Variants in ALK observed in about 807,000 individuals in gnomAD.
ALK encodes ALK tyrosine kinase receptor.
ALK carries 74 observed loss-of-function variants against 163.1 expected under a neutral mutation model. The observed-to-expected ratio is 0.45, with a 90% CI of 0.38 to 0.55. The LOEUF (loss-of-function observed/expected upper bound fraction) is 0.55, where lower values mean the gene tolerates loss of function less well. ALK is among the 20% of genes least tolerant of loss of function. ALK has a pLI of 0.00. For synonymous variants in ALK, 960 were observed against 843.2 expected (o/e 1.14, Z -2.40); for missense variants, 2,063 against 2,105.3 (o/e 0.98, Z 0.39).
intron 1 of ALK, among the ~76,000 whole-genome samples, chr2:29,752,246 T>C (rs1027862954): frequency 6.6e-6 from 1 of 152,186 alleles, no homozygotes; most frequent in Non-Finnish European, 1.5e-5. Context: ...ACTATAAACT[T>C]GTGTAAGTGT....
intron 8 of ALK, among the ~76,000 whole-genome samples, chr2:29,314,245 T>C (rs1666768623): frequency 6.6e-6 from 1 of 152,150 alleles, no homozygotes; most frequent in Non-Finnish European, 1.5e-5. Flanking sequence ...CCAGGGGCCA[T>C]GGCGTCTTCT....
At chr2:29,672,258 G>A (rs561818484) in intron 3 of ALK, among the ~76,000 whole-genome samples, 45 of 151,240 alleles carry the variant, frequency 3.0e-4, no homozygotes, top group African/African-American at 1.0e-3. Flanking sequence ...CATGTGCCAC[G>A]CTGGTGCACT....
At chr2:29,749,692 A>T (rs1434744168) in intron 1 of ALK, among the ~76,000 whole-genome samples, 1 of 152,166 alleles carries the variant, frequency 6.6e-6, no homozygotes, top group East Asian at 1.9e-4. Context: ...AGCCCACAGC[A>T]TCTCCAACCC....
chr2:29,902,847 T>A (rs1667452144), intron 1 of ALK, among the ~76,000 whole-genome samples: 1 of 152,228 alleles, frequency 6.6e-6, no homozygotes, highest in African/African-American at 2.4e-5. Context: ...CCGAAGACAT[T>A]TAGCTCTTAA....
At chr2:29,814,131 G>A (rs1458344422) in intron 1 of ALK, among the ~76,000 whole-genome samples, 1 of 152,102 alleles carries the variant, frequency 6.6e-6, no homozygotes, top group Admixed American at 6.5e-5. Flanking sequence ...CTAATACTTT[G>A]AGCACTCTGC....
At chr2:29,780,328 G>A (rs1242824221) in intron 1 of ALK, among the ~76,000 whole-genome samples, 1 of 152,148 alleles carries the variant, frequency 6.6e-6, no homozygotes, top group Non-Finnish European at 1.5e-5. Context: ...GCCCATTTCC[G>A]GAAAGTGTGA....
At chr2:29,450,326 C>T (rs1170837277) in intron 4 of ALK, among the ~76,000 whole-genome samples, 2 of 152,112 alleles carry the variant, frequency 1.3e-5, no homozygotes, top group African/African-American at 2.4e-5. Flanking sequence ...GTAATGATGC[C>T]AATTCAGAGG....
intron 4 of ALK, among the ~76,000 whole-genome samples, chr2:29,514,501 T>G (rs1169820483): frequency 6.6e-6 from 1 of 152,210 alleles, no homozygotes; most frequent in Non-Finnish European, 1.5e-5. Flanking sequence ...AGACTACTCC[T>G]GCATGCCAAC....
At chr2:29,221,911 C>A (rs1573122537) in intron 22 of ALK, among the ~76,000 whole-genome samples, 1 of 152,350 alleles carries the variant, frequency 6.6e-6, no homozygotes, top group East Asian at 1.9e-4. Context: ...AAAGGTGCAG[C>A]CAGCTGAGAC....
intron 3 of ALK, among the ~76,000 whole-genome samples, chr2:29,541,602 A>C (rs1296095393): frequency 1.3e-5 from 2 of 152,210 alleles, no homozygotes; most frequent in Non-Finnish European, 2.9e-5. Flanking sequence ...AACATGTGAA[A>C]CTTGTTAAGG....
intron 9 of ALK, among the ~76,000 whole-genome samples, chr2:29,276,508 A>G (rs1463564638): frequency 6.6e-6 from 1 of 152,184 alleles, no homozygotes; most frequent in East Asian, 1.9e-4. Flanking sequence ...ACCCTCCAGA[A>G]CGTCAATCCA....
intron 5 of ALK, among the ~76,000 whole-genome samples, chr2:29,369,621 G>A (rs919320981): frequency 2.0e-5 from 3 of 152,184 alleles, no homozygotes; most frequent in African/African-American, 7.2e-5. Context: ...GCAATTCCAC[G>A]GCCCAGGTTT....
Position 29,876,365 on chromosome 2 carries a change from G to A in ALK, c.667+43628C>T, listed in dbSNP as rs113389004. On this transcript the variant is annotated intron_variant, in intron 1 of 28. Coordinates refer to ENST00000389048, the MANE Select transcript of ALK (RefSeq NM_004304.5). ...TGGTGATGGTAGTGGTAATGGTGGT[G>A]ATGGTGGTGATAGTGATAATGATGA... 4.1e-3 allele frequency among the ~76,000 whole-genome samples: 619 copies of A among 151,984 alleles called. 7 individuals carry two copies. Among genetic ancestry groups the A allele is most frequent in the African/African-American group, 0.014 (584 of 41,458 alleles).
At chr2:29,361,458 C>A (rs760493351) in intron 5 of ALK, among the ~76,000 whole-genome samples, 1 of 152,220 alleles carries the variant, frequency 6.6e-6, no homozygotes, top group Admixed American at 6.5e-5. Flanking sequence ...TGTATGCTGG[C>A]TGCATCAATC....
intron 3 of ALK, among the ~76,000 whole-genome samples, chr2:29,591,606 C>T (rs1198523353): frequency 1.3e-5 from 2 of 152,048 alleles, no homozygotes; most frequent in Non-Finnish European, 2.9e-5. Context: ...AAACATAGAG[C>T]TCTAAGATGG....
intron 4 of ALK, among the ~76,000 whole-genome samples, chr2:29,464,071 T>C (rs897715934): frequency 6.6e-6 from 1 of 152,120 alleles, no homozygotes; most frequent in South Asian, 2.1e-4. Flanking sequence ...ATTACTTAAC[T>C]GCATGCCAGA....
intron 1 of ALK, among the ~76,000 whole-genome samples, chr2:29,785,956 C>T (rs1166145981): frequency 8.1e-6 from 1 of 123,322 alleles, no homozygotes; most frequent in Non-Finnish European, 1.6e-5. Context: ...CACACACACA[C>T]ACATTACCCT....
chr2:29,814,488 G>GTC, intron 1 of ALK, among the ~76,000 whole-genome samples: 1 of 151,986 alleles, frequency 6.6e-6, no homozygotes, highest in Non-Finnish European at 1.5e-5. Context: ...GTGAAACCCT[G>GTC]TCTCTACTAA....
intron 3 of ALK, among the ~76,000 whole-genome samples, chr2:29,594,939 T>G (rs1675167521): frequency 1.4e-5 from 2 of 146,492 alleles, no homozygotes; most frequent in Admixed American, 6.9e-5. Context: ...ATAAATGAAG[T>G]ATCTGATAAA....
Sources: allele counts gnomAD v4.1 joint callset (sites outside exome capture counted in the v4.1 genomes callset), GRCh38; gene constraint gnomAD v4.1.1; transcripts MANE v1.5; gene names NCBI Gene and HGNC (gene_info 2026-07-23, HGNC 2026-07-21).